Variants in MCOLN3 observed in about 807,000 individuals in gnomAD.
The protein encoded by MCOLN3 is mucolipin TRP cation channel 3, also known as mucolipin-3.
Under a neutral mutation model 69.4 loss-of-function variants are expected in MCOLN3, and 62 were observed. The ratio of observed to expected loss-of-function variants is 0.89; its 90% CI spans 0.73 to 1.10. The LOEUF (loss-of-function observed/expected upper bound fraction) is 1.10, where lower values mean the gene tolerates loss of function less well. MCOLN3 is among the 50% of genes least tolerant of loss of function. The pLI is 0.00. For missense variants in MCOLN3, 564 were observed against 656.4 expected (o/e 0.86, Z 1.54); for synonymous variants, 183 against 217.0 (o/e 0.84, Z 1.38).
intron 1 of MCOLN3, among the ~76,000 whole-genome samples, chr1:85,046,963 T>A (rs1025551462): frequency 2.0e-5 from 3 of 152,208 alleles, no homozygotes; most frequent in African/African-American, 7.2e-5. Flanking sequence ...AAATTAGGAT[T>A]TTCACTTAAC....
rs1652685390 is a variant in MCOLN3, at chr1:85,034,161, A to G, written c.487T>C (p.Tyr163His). 2 of 1,614,112 alleles carry G rather than the reference A, an allele frequency of 1.2e-6. No homozygotes were observed. Among genetic ancestry groups the G allele is most frequent in the Non-Finnish European group, 1.7e-6 (2 of 1,180,028 alleles). Residue 163 changes from tyrosine (Y) to histidine (H), a missense_variant, in exon 4 of 13, where the codon TAC (tyrosine) becomes CAC (histidine). Tyr to His is a moderately conservative substitution (Grantham distance 83). Coordinates refer to ENST00000370589, the MANE Select transcript of MCOLN3 (RefSeq NM_018298.11). Reference protein sequence around the residue: ...QSAMAICQHFYKRGNIYPGND... With the variant: ...QSAMAICQHFHKRGNIYPGND... Reference sequence around the variant, plus strand: ...CCAGGGTAGATGTTTCCTCGCTTGTAGAAGTGCTGACAGATTGCCATAGCA... The same window carrying G: ...CCAGGGTAGATGTTTCCTCGCTTGTGGAAGTGCTGACAGATTGCCATAGCA...
chr1:85,035,167 T>C (rs1323376336), intron 3 of MCOLN3, among the ~76,000 whole-genome samples: 1 of 152,218 alleles, frequency 6.6e-6, no homozygotes, highest in African/African-American at 2.4e-5. Context: ...CTACACGGAA[T>C]ACTTTCTTTA....
intron 3 of MCOLN3, among the ~76,000 whole-genome samples, chr1:85,040,443 A>G (rs1653003775): frequency 6.6e-6 from 1 of 152,242 alleles, no homozygotes; most frequent in African/African-American, 2.4e-5. Flanking sequence ...TGAGAAAAAT[A>G]TATTATTTCT....
chr1:85,045,903 C>T (rs1477347070), intron 1 of MCOLN3, among the ~76,000 whole-genome samples: 1 of 152,182 alleles, frequency 6.6e-6, no homozygotes, highest in Non-Finnish European at 1.5e-5. Flanking sequence ...GGTTCCATGA[C>T]TTGACGTTTC....
intron 4 of MCOLN3, among the ~76,000 whole-genome samples, chr1:85,033,231 G>A (rs1306123794): frequency 2.6e-5 from 4 of 152,074 alleles, no homozygotes; most frequent in Admixed American, 2.6e-4. Flanking sequence ...TGCTGTCTTC[G>A]TTTTTAAGCC....
chr1:85,042,297 C>T (rs778637117), intron 2 of MCOLN3, among the ~76,000 whole-genome samples: 4 of 152,312 alleles, frequency 2.6e-5, no homozygotes, highest in East Asian at 1.9e-4. Context: ...GTTCTATCCA[C>T]CCTGTCATGC....
intron 3 of MCOLN3, 120 bp downstream of exon 3, chr1:85,040,890 C>T: frequency 1.1e-6 from 1 of 931,710 alleles, no homozygotes; most frequent in Non-Finnish European, 1.6e-6. Flanking sequence ...TTGTATGTGT[C>T]ATTTCCAAGC....
intron 3 of MCOLN3, chr1:85,036,907 A>G (rs1170028263): frequency 6.6e-6 from 1 of 152,216 alleles, no homozygotes; most frequent in Non-Finnish European, 1.5e-5. Context: ...TTTAAAATCT[A>G]TCTCCCCCAT....
chr1:85,047,224 G>A (rs1406464747), intron 1 of MCOLN3: 1 of 152,210 alleles, frequency 6.6e-6, no homozygotes, highest in Non-Finnish European at 1.5e-5. Context: ...CAGGAACAAA[G>A]AGAAAACAAG....
intron 3 of MCOLN3, among the ~76,000 whole-genome samples, chr1:85,035,621 A>C (rs1652764592): frequency 6.6e-6 from 1 of 152,136 alleles, no homozygotes; most frequent in Non-Finnish European, 1.5e-5. Flanking sequence ...CTTTCAAATT[A>C]TCTCTGCAAA....
At chr1:85,037,971 G>T (rs1265042683) in intron 3 of MCOLN3, among the ~76,000 whole-genome samples, 3 of 152,204 alleles carry the variant, frequency 2.0e-5, no homozygotes, top group Non-Finnish European at 4.4e-5. Flanking sequence ...AATGTCCTTA[G>T]CTAAATGCTG....
rs964090209 is a variant in MCOLN3, at chr1:85,041,241, G to A, written c.229-64C>T. The A allele has an allele frequency of 5.8e-6, 8 of 1,368,278 alleles. No individual in the cohort carries two copies. The Admixed American group carries it at 1.9e-4, about 32-fold the overall frequency. The allele number at this position is 1,368,278 out of a possible 1,614,324, so 84.8% of individuals were successfully genotyped here. On this transcript the variant is annotated intron_variant, in intron 2 of 12. Coordinates refer to ENST00000370589, the MANE Select transcript of MCOLN3 (RefSeq NM_018298.11). ...TGTGGGCAGAAAAAGCAGAGCAGAA[G>A]GTACAGGGGCTTGAACAACAAATAG... is the stretch of plus-strand genomic sequence containing the variant.
intron 11 of MCOLN3, 31 bp from the exon 12 acceptor site, chr1:85,021,307 A>G (rs768642064): frequency 5.8e-6 from 9 of 1,559,874 alleles, no homozygotes; most frequent in Non-Finnish European, 7.9e-6. Flanking sequence ...AGTTCACTTT[A>G]TTCCATGTTC....
chr1:85,037,328 G>T (rs1454800809), intron 3 of MCOLN3, among the ~76,000 whole-genome samples: 2 of 152,126 alleles, frequency 1.3e-5, no homozygotes, highest in African/African-American at 4.8e-5. Context: ...TGTGTAATGG[G>T]AGGTAAACTG....
rs1328116927 is a variant in MCOLN3 at position 85,032,784 on chromosome 1, G to A, written c.644C>T (p.Thr215Ile). 2.5e-6 allele frequency: 4 copies of A among 1,614,066 alleles called. No individual in the cohort carries two copies. The highest frequency in any genetic ancestry group is 3.4e-6 in the Non-Finnish European group (4 of 1,179,876). The stretch of plus-strand genomic sequence containing the variant: ...TTTCAGTTTAAACTGAAGCTCCACT[G>A]TTAGGAGTCTAGAAAACAGAGGTGA... ...NLTLDFHRLLTVELQFKLKAI... is the reference protein window; with the variant it reads ...NLTLDFHRLLIVELQFKLKAI... Residue 215 changes from threonine to isoleucine, a missense_variant, in exon 6 of 13, where the codon ACA (threonine) becomes ATA (isoleucine). Coordinates refer to ENST00000370589, the MANE Select transcript of MCOLN3 (RefSeq NM_018298.11).
chr1:85,025,384 TG>T (rs1000164194), intron 9 of MCOLN3: 1 of 152,160 alleles, frequency 6.6e-6, no homozygotes, highest in African/African-American at 2.4e-5. Context: ...TTTTATTTTG[TG>T]GGGACAGTTG....
Position 85,018,936 on chromosome 1 carries a change from C to A in MCOLN3, c.*187G>T, listed in dbSNP as rs1651791023. ...CATTAAAGTTTTTTTAAAAACAATCCCAGCATAAAGTTGCAAAGACATTAA... is the reference window on the plus strand; with the variant it reads ...CATTAAAGTTTTTTTAAAAACAATCACAGCATAAAGTTGCAAAGACATTAA... On this transcript the variant is annotated 3_prime_UTR_variant, in exon 13 of 13. Transcript: ENST00000370589. The A allele has an allele frequency of 1.2e-5, 6 of 514,364 alleles. No individual in the cohort carries two copies. Among genetic ancestry groups the A allele is most frequent in the Non-Finnish European group, 2.0e-5 (6 of 304,892 alleles). The allele number at this position is 514,364 out of a possible 1,614,324, so 31.9% of individuals were successfully genotyped here. A position where few individuals can be genotyped will look rare whatever the true frequency, so the allele number is the denominator to read the frequency against.
At position 85,041,991 on chromosome 1, in the gene MCOLN3, G is replaced by GCA. The variant is rs146720463; in HGVS notation, c.229-816_229-815dup. On this transcript the variant is annotated intron_variant, in intron 2 of 12. Transcript: ENST00000370589. The stretch of plus-strand genomic sequence containing the variant: ...ACAAATGCACACACAGCACACACAG[G>GCA]CACACACACACACACACACCACATG... Among the ~76,000 whole-genome samples the GCA allele has an allele frequency of 8.1e-4, 118 of 145,580 alleles. 1 individual carries two copies. Among genetic ancestry groups the GCA allele is most frequent in the African/African-American group, 1.0e-3 (40 of 39,634 alleles).
At chr1:85,045,582 A>G (rs1048170332) in intron 1 of MCOLN3, among the ~76,000 whole-genome samples, 1 of 152,214 alleles carries the variant, frequency 6.6e-6, no homozygotes, top group African/African-American at 2.4e-5. Flanking sequence ...ATTTTCACCT[A>G]GTTCAAAGTT....
Sources: gnomAD v4.1 joint callset for allele counts (sites outside exome capture counted in the v4.1 genomes callset) on GRCh38, gnomAD v4.1.1 for gene constraint, MANE v1.5 for transcripts, NCBI Gene and HGNC (gene_info 2026-07-23, HGNC 2026-07-21) for gene names.